SHISAL1: variants seen among roughly 807,000 people sequenced by gnomAD.
SHISAL1 encodes shisa like 1, also known as protein shisa-like-1.
Under a neutral mutation model 22.6 loss-of-function variants are expected in SHISAL1, and 9 were observed. That is an observed-to-expected ratio of 0.40 (90% CI 0.24 to 0.70). SHISAL1 has a LOEUF of 0.70. Among genes scored for constraint, SHISAL1 ranks in the 30% least tolerant of loss-of-function variants. The pLI, the probability that SHISAL1 is intolerant of heterozygous loss-of-function variation, is 0.39. For synonymous variants in SHISAL1, 119 were observed against 115.4 expected (o/e 1.03, Z -0.20); for missense variants, 246 against 270.6 (o/e 0.91, Z 0.64).
At chr22:44,275,266 G>T (rs906304434) in intron 4 of SHISAL1, among the ~76,000 whole-genome samples, 1 of 152,146 alleles carries the variant, frequency 6.6e-6, no homozygotes, top group Non-Finnish European at 1.5e-5. Flanking sequence ...TTCACAAATG[G>T]TGCAGGGGAA....
At chr22:44,263,117 C>T (rs2055137613) in intron 4 of SHISAL1, among the ~76,000 whole-genome samples, 3 of 119,068 alleles carry the variant, frequency 2.5e-5, no homozygotes, top group Non-Finnish European at 4.9e-5. Flanking sequence ...GAGTCTGTGT[C>T]GCCCAGGCAA....
chr22:44,254,367 TA>T (rs946569088), intron 4 of SHISAL1, among the ~76,000 whole-genome samples: 1 of 151,908 alleles, frequency 6.6e-6, no homozygotes, highest in African/African-American at 2.4e-5. Flanking sequence ...TTTAAATTAT[TA>T]TTTTTTTTTA....
intron 4 of SHISAL1, among the ~76,000 whole-genome samples, chr22:44,263,781 C>T (rs768368198): frequency 6.6e-6 from 1 of 152,196 alleles, no homozygotes; most frequent in Non-Finnish European, 1.5e-5. Context: ...ACCCCCGTGG[C>T]CTCCAGCAGG....
chr22:44,274,765 C>A (rs1373433233), intron 4 of SHISAL1, among the ~76,000 whole-genome samples: 2 of 152,212 alleles, frequency 1.3e-5, no homozygotes, highest in African/African-American at 4.8e-5. Flanking sequence ...AAACGCAAAG[C>A]AGTCCTATCT....
intron 4 of SHISAL1, among the ~76,000 whole-genome samples, chr22:44,254,263 A>C (rs927842837): frequency 6.6e-6 from 1 of 152,228 alleles, no homozygotes; most frequent in African/African-American, 2.4e-5. Flanking sequence ...AAACCTAAGA[A>C]AGACATACAG....
chr22:44,298,994 C>T (rs2055407439), intron 2 of SHISAL1, among the ~76,000 whole-genome samples: 1 of 152,224 alleles, frequency 6.6e-6, no homozygotes. Flanking sequence ...CCATCGTGAC[C>T]TCTCTGGCCT....
intron 4 of SHISAL1, among the ~76,000 whole-genome samples, chr22:44,274,114 T>C (rs1300806956): frequency 8.0e-6 from 1 of 124,496 alleles, no homozygotes; most frequent in Non-Finnish European, 1.6e-5. Flanking sequence ...GACGTGGTGG[T>C]GGGTGTCTGT....
At chr22:44,264,612 G>C (rs1164680736) in intron 4 of SHISAL1, among the ~76,000 whole-genome samples, 1 of 152,212 alleles carries the variant, frequency 6.6e-6, no homozygotes, top group African/African-American at 2.4e-5. Context: ...CATGGCATGG[G>C]AGGCCTCTAA....
At chr22:44,295,413 C>G (rs960283438) in intron 3 of SHISAL1, among the ~76,000 whole-genome samples, 1 of 151,114 alleles carries the variant, frequency 6.6e-6, no homozygotes, top group African/African-American at 2.4e-5. Flanking sequence ...TAATTAAAGA[C>G]AAAATATTAA....
At chr22:44,293,305 G>A (rs987649711) in intron 3 of SHISAL1, among the ~76,000 whole-genome samples, 2 of 152,210 alleles carry the variant, frequency 1.3e-5, no homozygotes, top group Admixed American at 6.5e-5. Flanking sequence ...CGAGAAGATC[G>A]CTGGAGAATG....
At chr22:44,270,655 A>G (rs1476834026) in intron 4 of SHISAL1, among the ~76,000 whole-genome samples, 2 of 152,138 alleles carry the variant, frequency 1.3e-5, no homozygotes, top group South Asian at 4.1e-4. Context: ...AGAGGGTCAC[A>G]GGGATCTGCC....
At chr22:44,268,068 A>G (rs1190227424) in intron 4 of SHISAL1, among the ~76,000 whole-genome samples, 1 of 152,210 alleles carries the variant, frequency 6.6e-6, no homozygotes, top group Admixed American at 6.5e-5. Flanking sequence ...ACCCGCTTGT[A>G]GCCTTCCTTC....
chr22:44,329,700 C>T, the SHISAL1 span, among the ~76,000 whole-genome samples: 446 of 152,252 alleles, frequency 2.9e-3, no homozygotes, highest in African/African-American at 9.7e-3. Flanking sequence ...TCTGGGGAGA[C>T]GAGGTGCTTG....
At chr22:44,317,232 C>T (rs1307520144), upstream of SHISAL1, among the ~76,000 whole-genome samples, 1 of 152,186 alleles carries the variant, frequency 6.6e-6, no homozygotes, top group Admixed American at 6.5e-5. Context: ...GCTCCGAGAG[C>T]CGGGCCAGGA....
intron 4 of SHISAL1, among the ~76,000 whole-genome samples, chr22:44,253,739 G>T (rs977584597): frequency 6.6e-5 from 10 of 151,774 alleles, no homozygotes; most frequent in Non-Finnish European, 1.2e-4. Context: ...ACCATGCCCG[G>T]CCTAGTGCAT....
At chr22:44,281,488 C>T (rs1009065603) in intron 4 of SHISAL1, among the ~76,000 whole-genome samples, 11 of 151,986 alleles carry the variant, frequency 7.2e-5, no homozygotes, top group East Asian at 1.9e-4. Flanking sequence ...CCTCCTGCCG[C>T]GCTGTGAACT....
In SHISAL1 at chr22:44,305,932, G is replaced by C. The variant is rs2055468230; in HGVS notation, c.-32-4955C>G. ...CCTTACTCCCCACGCCCCCAAGGCA[G>C]CTCAGGGCCAGAGCTGAAAGCTGAA... On this transcript the variant is annotated intron_variant, in intron 1 of 4. Transcript: ENST00000381176. Among the ~76,000 whole-genome samples the C allele has an allele frequency of 2.0e-5, 3 of 152,220 alleles. No homozygotes were observed. In the South Asian group the frequency reaches 6.2e-4, roughly 32 times the overall value.
chr22:44,262,740 G>C (rs1051485875), intron 4 of SHISAL1, among the ~76,000 whole-genome samples: 1 of 152,224 alleles, frequency 6.6e-6, no homozygotes, highest in East Asian at 1.9e-4. Context: ...CCTGGCGAGA[G>C]AGGAGCTGAG....
chr22:44,325,668 G>A, the SHISAL1 span, among the ~76,000 whole-genome samples: 1 of 152,152 alleles, frequency 6.6e-6, no homozygotes, highest in African/African-American at 2.4e-5. Context: ...TCTGGGCTCA[G>A]CTCTCTCCTT....
Sources: allele counts gnomAD v4.1 joint callset (sites outside exome capture counted in the v4.1 genomes callset), GRCh38; gene constraint gnomAD v4.1.1; transcripts MANE v1.5; gene names NCBI Gene and HGNC (gene_info 2026-07-23, HGNC 2026-07-21).